CSMD1: variants seen among roughly 807,000 people sequenced by gnomAD.
The protein encoded by CSMD1 is CUB and Sushi multiple domains 1.
In CSMD1, 213 loss-of-function variants were observed where a neutral mutation model predicts 417.5. That is an observed-to-expected ratio of 0.51 (90% confidence interval 0.46 to 0.57). The LOEUF (loss-of-function observed/expected upper bound fraction) is 0.57, where lower values mean the gene tolerates loss of function less well. CSMD1 is among the 20% of genes least tolerant of loss of function. The pLI is 0.00. For synonymous variants in CSMD1, 2,862 were observed against 1,736.8 expected (o/e 1.65, Z -16.11); for missense variants, 6,923 against 4,529.7 (o/e 1.53, Z -15.17).
intron 2 of CSMD1, among the ~76,000 whole-genome samples, chr8:4,453,181 C>T (rs925774736): frequency 8.0e-5 from 12 of 149,486 alleles, no homozygotes; most frequent in African/African-American, 3.0e-4. Flanking sequence ...CCCTCCATCC[C>T]AACACACAGA....
chr8:4,156,306 A>T (rs1796831198), intron 3 of CSMD1, among the ~76,000 whole-genome samples: 1 of 152,138 alleles, frequency 6.6e-6, no homozygotes, highest in African/African-American at 2.4e-5. Flanking sequence ...TCTCCTTTTC[A>T]ATGAAGGCTC....
In CSMD1 at chr8:4,447,598, G is replaced by A. The variant is rs73660843; in HGVS notation, c.303-27533C>T. Reference sequence around the variant, plus strand: ...CTCTGTCAACAGAAAACGCTTTCATGTAATACTTCCCACTTGACTAAGCTT... The same window carrying A: ...CTCTGTCAACAGAAAACGCTTTCATATAATACTTCCCACTTGACTAAGCTT... On this transcript the variant is annotated intron_variant, in intron 2 of 69. Transcript: ENST00000635120. 3.2e-3 allele frequency among the ~76,000 whole-genome samples: 488 copies of A among 152,330 alleles called. 3 individuals are homozygous for A. The highest frequency in any genetic ancestry group is 0.011 in the African/African-American group (465 of 41,578).
At chr8:4,885,506 C>T (rs1342838233) in intron 1 of CSMD1, among the ~76,000 whole-genome samples, 1 of 151,972 alleles carries the variant, frequency 6.6e-6, no homozygotes, top group East Asian at 1.9e-4. Context: ...AGAAACACCA[C>T]TGTAATTCTT....
intron 3 of CSMD1, among the ~76,000 whole-genome samples, chr8:4,210,606 A>G (rs1391244812): frequency 1.3e-5 from 2 of 152,218 alleles, no homozygotes; most frequent in East Asian, 3.8e-4. Flanking sequence ...GAGCAAAACA[A>G]TAGCTAATTA....
intron 62 of CSMD1, among the ~76,000 whole-genome samples, chr8:2,958,589 A>G (rs1008250382): frequency 1.3e-5 from 2 of 152,218 alleles, no homozygotes; most frequent in South Asian, 4.1e-4. Context: ...GAGGGGCACC[A>G]AAGATCATCC....
intron 39 of CSMD1, among the ~76,000 whole-genome samples, chr8:3,154,123 C>T (rs1585496849): frequency 6.6e-6 from 1 of 152,140 alleles, no homozygotes; most frequent in Admixed American, 6.5e-5. Context: ...CCCACAACTG[C>T]GACTACGCCT....
chr8:3,535,192 G>A (rs1798144244), intron 10 of CSMD1, among the ~76,000 whole-genome samples: 1 of 151,974 alleles, frequency 6.6e-6, no homozygotes, highest in Non-Finnish European at 1.5e-5. Context: ...GGCCTGAAAT[G>A]ATCCTTCTGT....
intron 2 of CSMD1, among the ~76,000 whole-genome samples, chr8:4,514,078 T>G (rs1802977528): frequency 6.6e-6 from 1 of 152,072 alleles, no homozygotes; most frequent in South Asian, 2.1e-4. Flanking sequence ...TTTATTTTAT[T>G]ATTATTATTA....
intron 3 of CSMD1, among the ~76,000 whole-genome samples, chr8:4,153,524 C>G (rs1796676435): frequency 6.6e-6 from 1 of 152,222 alleles, no homozygotes; most frequent in African/African-American, 2.4e-5. Context: ...AATTACAAAG[C>G]ACCAGCTGGT....
intron 1 of CSMD1, among the ~76,000 whole-genome samples, chr8:4,654,581 C>A (rs1804111948): frequency 6.6e-6 from 1 of 151,982 alleles, no homozygotes; most frequent in African/African-American, 2.4e-5. Flanking sequence ...TTGGTCTAAT[C>A]CAGAGTTTTA....
At chr8:4,822,841 G>A (rs915367099) in intron 1 of CSMD1, among the ~76,000 whole-genome samples, 4 of 152,142 alleles carry the variant, frequency 2.6e-5, no homozygotes, top group African/African-American at 9.6e-5. Flanking sequence ...TGTCCCTTCT[G>A]TAATTTTCTC....
At chr8:4,287,016 A>T (rs567271034) in intron 3 of CSMD1, among the ~76,000 whole-genome samples, 1 of 152,328 alleles carries the variant, frequency 6.6e-6, no homozygotes, top group Non-Finnish European at 1.5e-5. Context: ...GTTTCACTTG[A>T]AAAATAAGAA....
At chr8:4,069,643 C>A (rs1322214518) in intron 3 of CSMD1, among the ~76,000 whole-genome samples, 1 of 152,180 alleles carries the variant, frequency 6.6e-6, no homozygotes, top group Non-Finnish European at 1.5e-5. Context: ...GCCTCTGCAG[C>A]TTCCTGGGCC....
chr8:4,802,731 GT>G (rs1206378260), intron 1 of CSMD1, among the ~76,000 whole-genome samples: 1 of 152,108 alleles, frequency 6.6e-6, no homozygotes, highest in East Asian at 1.9e-4. Context: ...CAAAGAGAAT[GT>G]TTAAATATGT....
chr8:4,598,363 G>A (rs1381328987), intron 2 of CSMD1, among the ~76,000 whole-genome samples: 2 of 152,164 alleles, frequency 1.3e-5, no homozygotes, highest in African/African-American at 2.4e-5. Flanking sequence ...GTTAGGGGCT[G>A]GTGCCTAGAT....
chr8:3,150,281 G>A (rs982499872), intron 40 of CSMD1, among the ~76,000 whole-genome samples: 3 of 152,172 alleles, frequency 2.0e-5, no homozygotes, highest in African/African-American at 7.2e-5. Context: ...GCCTCCTACA[G>A]ATCACTGGGA....
chr8:4,807,387 G>A (rs1021362196), intron 1 of CSMD1, among the ~76,000 whole-genome samples: 3 of 152,212 alleles, frequency 2.0e-5, no homozygotes, highest in South Asian at 2.1e-4. Flanking sequence ...CCTCACTGCC[G>A]GGTGGGAAAC....
intron 5 of CSMD1, among the ~76,000 whole-genome samples, chr8:3,821,405 G>C (rs769996684): frequency 6.6e-6 from 1 of 152,288 alleles, no homozygotes; most frequent in African/African-American, 2.4e-5. Flanking sequence ...CCACACACAC[G>C]CGCATGTGGA....
chr8:3,090,043 G>A lies in CSMD1; in HGVS notation c.7285+1473C>T, dbSNP rs982032181. On this transcript the variant is annotated intron_variant, in intron 48 of 69. Coordinates refer to ENST00000635120, the MANE Select transcript of CSMD1 (RefSeq NM_033225.6). ...AGAGTCTGACTATCGGCCGGGCGCG[G>A]TGGCTTAACGCCTGTAATCCCAGCA... Among the ~76,000 whole-genome samples, 10 of 152,146 alleles carry A rather than the reference G, an allele frequency of 6.6e-5. No individual in the cohort carries two copies. In the South Asian group the frequency reaches 2.1e-3, roughly 32 times the overall value.
Sources: allele counts gnomAD v4.1 joint callset (sites outside exome capture counted in the v4.1 genomes callset), GRCh38; gene constraint gnomAD v4.1.1; transcripts MANE v1.5; gene names NCBI Gene and HGNC (gene_info 2026-07-23, HGNC 2026-07-21).